The following NSD1 variants were observed in gnomAD, a reference collection of about 807,000 sequenced individuals.
NSD1 encodes the protein nuclear receptor binding SET domain protein 1, also known as histone-lysine N-methyltransferase, H3 lysine-36 specific.
In NSD1, 26 loss-of-function variants were observed where a neutral mutation model predicts 242.7. The ratio of observed to expected loss-of-function variants is 0.11; its 90% CI spans 0.08 to 0.15. The LOEUF is 0.15. Among genes scored for constraint, NSD1 ranks in the 10% least tolerant of loss-of-function variants. NSD1 has a pLI of 1.00. For synonymous variants in NSD1, 1,106 were observed against 1,178.1 expected, an observed-to-expected ratio of 0.94 and a Z score of 1.25; for missense variants, 2,495 against 3,272.8, an observed-to-expected ratio of 0.76 and a Z score of 5.80.
At chr5:177,203,011 TTGTC>T (rs762307842) in intron 3 of NSD1, among the ~76,000 whole-genome samples, 2 of 152,142 alleles carry the variant, frequency 1.3e-5, no homozygotes, top group Non-Finnish European at 2.9e-5. Context: ...CTTCTCTCCT[TTGTC>T]TTTCTTTTTT....
intron 2 of NSD1, among the ~76,000 whole-genome samples, chr5:177,177,697 T>C (rs1239777183): frequency 6.6e-6 from 1 of 152,100 alleles, no homozygotes; most frequent in Non-Finnish European, 1.5e-5. Flanking sequence ...TTCACAATTA[T>C]ATGTGTGAGA....
At chr5:177,252,536 GTTCTTTTTTTTT>G (rs1581445385) in intron 12 of NSD1, among the ~76,000 whole-genome samples, 1 of 98,996 alleles carries the variant, frequency 1.0e-5, no homozygotes, top group Admixed American at 1.1e-4. Context: ...AAAGTAAAGT[GTTCTTTTTTTTT>G]TTTTTTTTTT....
Position 177,294,097 on chromosome 5 carries a change from GGCT to G in NSD1, c.6733_6735del (p.Ala2245del). On this transcript the variant is annotated inframe_deletion, in exon 23 of 23. Transcript: ENST00000439151. ...ACCTGGCAGAGCAATCAACAGGAAT[GGCT>G]GCTCAGGCACCCAAAATGTCAGATA... The G allele has an allele frequency of 6.2e-7, 1 of 1,614,090 alleles. No homozygotes were observed. The highest frequency in any genetic ancestry group is 1.1e-5 in the South Asian group (1 of 91,086).
chr5:177,252,797 C>CTT (rs758066435), intron 12 of NSD1, among the ~76,000 whole-genome samples: 1 of 144,592 alleles, frequency 6.9e-6, no homozygotes, highest in Non-Finnish European at 1.5e-5. Flanking sequence ...CTCTCTCTCC[C>CTT]TTTTTTTTTT....
At chr5:177,245,522 A>G (rs995123728) in intron 9 of NSD1, among the ~76,000 whole-genome samples, 2 of 152,202 alleles carry the variant, frequency 1.3e-5, no homozygotes, top group Non-Finnish European at 2.9e-5. Context: ...TAACTAGCAC[A>G]GATATCCTAA....
chr5:177,216,273 C>T (rs1763764377), intron 5 of NSD1, among the ~76,000 whole-genome samples: 1 of 152,144 alleles, frequency 6.6e-6, no homozygotes, highest in Non-Finnish European at 1.5e-5. Context: ...TATTTTCTCC[C>T]ATTTTGTACC....
At chr5:177,191,820 A>T in intron 2 of NSD1, 64 bp from the exon 3 acceptor site, 1 of 1,555,830 alleles carries the variant, frequency 6.4e-7, no homozygotes, top group Non-Finnish European at 8.8e-7. Flanking sequence ...GGCTAATAGG[A>T]ATGACAATAA....
At position 177,278,132 on chromosome 5, in the gene NSD1, A is replaced by G. The variant is rs184303406; in HGVS notation, c.5623-2433A>G. On this transcript the variant is annotated intron_variant, in intron 17 of 22. Transcript: ENST00000439151. The stretch of plus-strand genomic sequence containing the variant: ...ACCTTACCAGTGTTTTGATGAATCT[A>G]GGAACAGATCTGGCAGTGAGACCTA... Among the ~76,000 whole-genome samples the G allele has an allele frequency of 5.3e-4, 80 of 152,320 alleles. 1 individual carries two copies. Among genetic ancestry groups the G allele is most frequent in the African/African-American group, 1.9e-3 (77 of 41,572 alleles).
chr5:177,176,249 A>G (rs1034947515), intron 2 of NSD1, among the ~76,000 whole-genome samples: 3 of 151,166 alleles, frequency 2.0e-5, no homozygotes, highest in African/African-American at 7.3e-5. Context: ...AGATCTAAAT[A>G]TTCGATTCTT....
rs897661485 is a variant in NSD1, at chr5:177,266,579, C to T, written c.5147-983C>T. 2.2e-5 allele frequency: 15 copies of T among 671,474 alleles called. No individual in the cohort carries two copies. The East Asian group carries it at 4.6e-4, about 21-fold the overall frequency. The allele number at this position is 671,474 out of a possible 1,614,324, so 41.6% of individuals were successfully genotyped here. A position where few individuals can be genotyped will look rare whatever the true frequency, so the allele number is the denominator to read the frequency against. On this transcript the variant is annotated intron_variant, in intron 14 of 22. Transcript: ENST00000439151. ...TCCATGATGCAGTTCACGACCTCGG[C>T]GGCCGCCATCTTCACCCGCACCTAC... is the stretch of plus-strand genomic sequence containing the variant.
chr5:177,237,139 A>G (rs1237437380), intron 6 of NSD1, among the ~76,000 whole-genome samples: 1 of 152,144 alleles, frequency 6.6e-6, no homozygotes, highest in Non-Finnish European at 1.5e-5. Context: ...CACCATGCCC[A>G]GCTTCCCTGA....
rs746614639 is a variant in NSD1, at chr5:177,294,427, T to C, written c.7059T>C (p.Pro2353=). The C allele has an allele frequency of 2.5e-6, 4 of 1,614,144 alleles. No individual in the cohort carries two copies. The South Asian group carries it at 3.3e-5, about 13-fold the overall frequency. Residue 2353 remains proline, a synonymous_variant, in exon 23 of 23, where the codon CCT becomes CCC. Coordinates refer to ENST00000439151, the MANE Select transcript of NSD1 (RefSeq NM_022455.5). ...PSVRSQPLER[P]LGTADPRLDK... ...TCAGGTCCCAACCACTGGAAAGACC[T>C]CTGGGGACGGCTGACCCAAGGCTGG...
rs75611348 is a variant in NSD1, at chr5:177,269,554, G to T, written c.5304-48G>T. On this transcript the variant is annotated intron_variant, in intron 15 of 22. Transcript: ENST00000439151. This position sits in a 1 kb window ranked among gnomAD's most constrained non-coding sequence, Gnocchi z 5.1. ...TATATGAGTAGGTTATTTTCCTAAT[G>T]CCTTGCAGCCTTCTAGAGGTTTTCC... The T allele has an allele frequency of 4.0e-5, 62 of 1,539,122 alleles. No homozygotes were observed. The African/African-American group carries it at 7.3e-4, about 18-fold the overall frequency.
In NSD1 at chr5:177,211,200, T is replaced by G; in HGVS notation, c.2801T>G (p.Val934Gly). Residue 934 changes from valine to glycine, a missense_variant, in exon 5 of 23, where the codon GTC becomes GGC. Coordinates refer to ENST00000439151, the MANE Select transcript of NSD1 (RefSeq NM_022455.5). Reference protein sequence around the residue: ...EQRLMTAQNLVSYRSPGRGDC... With the variant: ...EQRLMTAQNLGSYRSPGRGDC... ...CGGTTGATGACTGCTCAAAACCTGG[T>G]CTCTTACCGGAGTCCTGGTCGTGGG... The G allele has an allele frequency of 1.9e-6, 3 of 1,614,012 alleles. No homozygotes were observed. Among genetic ancestry groups the G allele is most frequent in the Non-Finnish European group, 2.5e-6 (3 of 1,179,942 alleles).
chr5:177,173,465 G>GGTTTTTT (rs1759896583), intron 2 of NSD1, among the ~76,000 whole-genome samples: 1 of 130,568 alleles, frequency 7.7e-6, no homozygotes, highest in African/African-American at 3.1e-5. Flanking sequence ...TTACTATCTG[G>GGTTTTTT]CTTTTTTTTT....
Position 177,238,600 on chromosome 5 carries a change from C to CAATATATATACAATA in NSD1, c.4192+93_4192+94insAATATATATACAATA. On this transcript the variant is annotated intron_variant, in intron 7 of 22. Transcript: ENST00000439151. This position sits in a 1 kb window ranked among gnomAD's most constrained non-coding sequence, Gnocchi z 4.6. The stretch of plus-strand genomic sequence containing the variant: ...TTTTGATGTAAAGCCAACATTGTAT[C>CAATATATATACAATA]TATATACAATAAACTACCCCCTTTT... The CAATATATATACAATA allele has an allele frequency of 7.2e-7, 1 of 1,393,592 alleles. No individual in the cohort carries two copies. Among genetic ancestry groups the CAATATATATACAATA allele is most frequent in the East Asian group, 2.3e-5 (1 of 43,962 alleles). 86.3% of individuals were successfully genotyped at this position (1,393,592 alleles called of 1,614,324 possible). A position where few individuals can be genotyped will look rare whatever the true frequency, so the allele number is the denominator to read the frequency against.
At position 177,248,306 on chromosome 5, in the gene NSD1, C is replaced by G; in HGVS notation, c.4623C>G (p.Leu1541=). 2.5e-6 allele frequency: 4 copies of G among 1,613,794 alleles called. No homozygotes were observed. Among genetic ancestry groups the G allele is most frequent in the Non-Finnish European group, 3.4e-6 (4 of 1,179,892 alleles). The change falls in exon 11 of 23, where the codon CTC becomes CTG. Residue 1541 remains leucine (L), a synonymous_variant. Coordinates refer to ENST00000439151, the MANE Select transcript of NSD1 (RefSeq NM_022455.5). The part of the protein sequence containing the change: ...MQGERGGGAA[L]KENVCQNCEK... ...GTGAACGCGGTGGAGGAGCTGCACT[C>G]AAGGAGAATGTCTGTCAGGTAGAGA... is the stretch of plus-strand genomic sequence containing the variant.
intron 2 of NSD1, among the ~76,000 whole-genome samples, chr5:177,158,269 C>G (rs1758320355): frequency 9.7e-6 from 1 of 103,160 alleles, no homozygotes; most frequent in Non-Finnish European, 1.8e-5. Context: ...TTCTTTCTTT[C>G]TTTCTTTCTT....
In NSD1 at chr5:177,204,117, T is replaced by C. The variant is rs1183565772; in HGVS notation, c.1064-3T>C. 1.2e-6 allele frequency: 2 copies of C among 1,613,642 alleles called. No homozygotes were observed. The highest frequency in any genetic ancestry group is 1.3e-5 in the African/African-American group (1 of 74,934). On this transcript the variant is annotated splice_region_variant and splice_polypyrimidine_tract_variant and intron_variant, in intron 3 of 22. Coordinates refer to ENST00000439151, the MANE Select transcript of NSD1 (RefSeq NM_022455.5). ...TGATTCTGGTTCTCTTACCCTTACC[T>C]AGTTTCCAACCGGAGGCCCTATCGG...
Sources: gnomAD v4.1 joint callset for allele counts (sites outside exome capture counted in the v4.1 genomes callset) on GRCh38, gnomAD v4.1.1 for gene constraint, Gnocchi (gnomAD v3.1) non-coding constraint, MANE v1.5 for transcripts, NCBI Gene and HGNC (gene_info 2026-07-23, HGNC 2026-07-21) for gene names.